The following HS3ST5 variants were observed in gnomAD, a reference collection of about 807,000 sequenced individuals.
HS3ST5 encodes the protein heparan sulfate-glucosamine 3-sulfotransferase 5, also known as heparan sulfate glucosamine 3-O-sulfotransferase 5.
Under a neutral mutation model 25.4 loss-of-function variants are expected in HS3ST5, and 10 were observed. The ratio of observed to expected loss-of-function variants is 0.39; its 90% CI spans 0.24 to 0.67. The LOEUF is 0.67. Among genes scored for constraint, HS3ST5 ranks in the 30% least tolerant of loss-of-function variants. The probability of loss-of-function intolerance (pLI) is 0.44; values close to 1 mark genes in which losing one functional copy is unlikely to be tolerated. For synonymous variants in HS3ST5, 170 were observed against 162.4 expected (o/e 1.05, Z -0.36); for missense variants, 324 against 420.7 (o/e 0.77, Z 2.01).
intron 2 of HS3ST5, among the ~76,000 whole-genome samples, chr6:114,187,868 C>G (rs1340354012): frequency 2.6e-5 from 4 of 152,128 alleles, no homozygotes; most frequent in Non-Finnish European, 5.9e-5. Flanking sequence ...ACAGACCTGA[C>G]CAGTCAGCCA....
Position 114,270,025 on chromosome 6 carries a change from A to G in HS3ST5, c.-338-41247T>C, listed in dbSNP as rs201143303. On this transcript the variant is annotated intron_variant, in intron 1 of 4. Coordinates refer to ENST00000312719, the MANE Select transcript of HS3ST5 (RefSeq NM_153612.4). ...CTTCCAGTGCTAGTATTGATCTAGC[A>G]TTACCAGATACTATTTAGCTTTTGA... Among the ~76,000 whole-genome samples, 4 of 152,328 alleles carry G rather than the reference A, an allele frequency of 2.6e-5. No individual in the cohort carries two copies. The East Asian group carries it at 7.7e-4, about 29-fold the overall frequency.
chr6:114,161,971 A>AAATTAATTT (rs1778995264), intron 3 of HS3ST5, among the ~76,000 whole-genome samples: 1 of 152,120 alleles, frequency 6.6e-6, no homozygotes, highest in South Asian at 2.1e-4. Flanking sequence ...ATTTGGTAGA[A>AAATTAATTT]AATTAATTTA....
chr6:114,265,887 T>C (rs765489947), intron 1 of HS3ST5, among the ~76,000 whole-genome samples: 1 of 152,204 alleles, frequency 6.6e-6, no homozygotes, highest in East Asian at 1.9e-4. Context: ...CTCTGGTTCA[T>C]TTTTCTTCTC....
chr6:114,065,653 T>A (rs983376785), intron 3 of HS3ST5, among the ~76,000 whole-genome samples: 3 of 152,242 alleles, frequency 2.0e-5, no homozygotes, highest in African/African-American at 7.2e-5. Flanking sequence ...AAGGATTATG[T>A]GTCATTTGTT....
intron 4 of HS3ST5, among the ~76,000 whole-genome samples, chr6:114,058,443 C>G (rs941449677): frequency 6.6e-6 from 1 of 152,142 alleles, no homozygotes; most frequent in Non-Finnish European, 1.5e-5. Flanking sequence ...TTGACTACGG[C>G]GTGTACTTCT....
chr6:114,277,336 A>G (rs368347896), intron 1 of HS3ST5, among the ~76,000 whole-genome samples: 8 of 151,536 alleles, frequency 5.3e-5, no homozygotes, highest in East Asian at 3.9e-4. Flanking sequence ...AAGCAGAACT[A>G]GGAAAAGGAA....
chr6:114,264,374 A>G (rs1773310846), intron 1 of HS3ST5, among the ~76,000 whole-genome samples: 1 of 152,210 alleles, frequency 6.6e-6, no homozygotes, highest in Admixed American at 6.5e-5. Flanking sequence ...ACGTTTTGAT[A>G]CATATTTACA....
At chr6:114,283,571 T>A (rs191027618) in intron 1 of HS3ST5, among the ~76,000 whole-genome samples, 1 of 151,872 alleles carries the variant, frequency 6.6e-6, no homozygotes, top group Non-Finnish European at 1.5e-5. Context: ...AATAAAAATG[T>A]TTTGGAAGTT....
chr6:114,281,534 C>A (rs1774110079), intron 1 of HS3ST5, among the ~76,000 whole-genome samples: 3 of 151,948 alleles, frequency 2.0e-5, no homozygotes, highest in African/African-American at 7.2e-5. Context: ...CACCTGTGGC[C>A]ACATGGAAAA....
intron 4 of HS3ST5, among the ~76,000 whole-genome samples, chr6:114,060,091 G>A (rs1330443301): frequency 1.3e-5 from 2 of 152,002 alleles, no homozygotes; most frequent in African/African-American, 4.8e-5. Context: ...TTGGCTCACT[G>A]CAATCTCTGT....
chr6:114,257,938 G>A (rs1374325836), intron 1 of HS3ST5, among the ~76,000 whole-genome samples: 2 of 151,956 alleles, frequency 1.3e-5, no homozygotes, highest in Non-Finnish European at 2.9e-5. Flanking sequence ...TTGATTGATT[G>A]TAAAGGTGAG....
chr6:114,181,542 G>A (rs1055241095), intron 2 of HS3ST5, among the ~76,000 whole-genome samples: 2 of 152,094 alleles, frequency 1.3e-5, no homozygotes, highest in Non-Finnish European at 2.9e-5. Context: ...CAGAAATATA[G>A]TCTGACCTAG....
chr6:114,148,037 T>C (rs1009995865), intron 3 of HS3ST5, among the ~76,000 whole-genome samples: 1 of 152,232 alleles, frequency 6.6e-6, no homozygotes, highest in Non-Finnish European at 1.5e-5. Flanking sequence ...GGAAATTTCA[T>C]TTCTAGGTAC....
At chr6:114,326,512 C>T (rs1294488741) in intron 1 of HS3ST5, among the ~76,000 whole-genome samples, 3 of 152,116 alleles carry the variant, frequency 2.0e-5, no homozygotes, top group Admixed American at 2.0e-4. Flanking sequence ...ACCTTTATTC[C>T]TCAGTACCAA....
At chr6:114,197,878 A>G (rs1780836566) in intron 2 of HS3ST5, among the ~76,000 whole-genome samples, 1 of 152,106 alleles carries the variant, frequency 6.6e-6, no homozygotes, top group East Asian at 1.9e-4. Context: ...GCAATTCAAA[A>G]AGTCAGAGTG....
intron 1 of HS3ST5, among the ~76,000 whole-genome samples, chr6:114,305,312 A>G (rs1016324103): frequency 3.9e-5 from 6 of 152,176 alleles, no homozygotes; most frequent in African/African-American, 1.4e-4. Context: ...TCTAATTCTA[A>G]AATTCAAGCT....
chr6:114,155,603 C>T (rs952500711), intron 3 of HS3ST5, among the ~76,000 whole-genome samples: 1 of 152,152 alleles, frequency 6.6e-6, no homozygotes, highest in African/African-American at 2.4e-5. Flanking sequence ...ATTAGAGTGT[C>T]GACCTCATCT....
At chr6:114,240,000 G>GCA (rs947790226) in intron 1 of HS3ST5, among the ~76,000 whole-genome samples, 10 of 109,924 alleles carry the variant, frequency 9.1e-5, no homozygotes, top group Non-Finnish European at 1.8e-4. Context: ...TTGAGCTTCA[G>GCA]CACACACATA....
At chr6:114,339,725 A>T (rs1776748750) in intron 1 of HS3ST5, among the ~76,000 whole-genome samples, 1 of 152,236 alleles carries the variant, frequency 6.6e-6, no homozygotes, top group South Asian at 2.1e-4. Flanking sequence ...TATTCAGACA[A>T]AGAGCAAGGA....
Sources: allele counts gnomAD v4.1 joint callset (sites outside exome capture counted in the v4.1 genomes callset), GRCh38; gene constraint gnomAD v4.1.1; transcripts MANE v1.5; gene names NCBI Gene and HGNC (gene_info 2026-07-23, HGNC 2026-07-21).